CYP39A1: variants seen among roughly 807,000 people sequenced by gnomAD.
CYP39A1 encodes the protein cytochrome P450 family 39 subfamily A member 1.
A neutral mutation model predicts 58.1 loss-of-function variants in CYP39A1; 49 were observed. The ratio of observed to expected loss-of-function variants is 0.84; its 90% CI spans 0.67 to 1.07. The LOEUF is 1.07. Ranked by LOEUF, CYP39A1 falls within the 50% of genes least tolerant of loss-of-function variation. CYP39A1 has a pLI of 0.00. For missense variants in CYP39A1, 531 were observed against 539.4 expected, an observed-to-expected ratio of 0.98 and a Z score of 0.16; for synonymous variants, 209 against 187.6, an observed-to-expected ratio of 1.11 and a Z score of -0.93.
chr6:46,603,967 A>C lies in CYP39A1; in HGVS notation c.932-7847T>G, dbSNP rs189207471. Among the ~76,000 whole-genome samples the C allele has an allele frequency of 8.4e-4, 128 of 152,266 alleles. 1 individual carries two copies. The highest frequency in any genetic ancestry group is 3.0e-3 in the African/African-American group (123 of 41,552). The stretch of plus-strand genomic sequence containing the variant: ...CGCTGTACATATCATTTATATAACC[A>C]AGTCAAGTATACAATGCCTAGCATA... On this transcript the variant is annotated intron_variant, in intron 7 of 11. Transcript: ENST00000275016.
At chr6:46,565,464 A>T (rs575560731) in intron 10 of CYP39A1, among the ~76,000 whole-genome samples, 1 of 151,824 alleles carries the variant, frequency 6.6e-6, no homozygotes, top group Non-Finnish European at 1.5e-5. Context: ...GGTAAGCTGA[A>T]TGAGAAGGAA....
intron 5 of CYP39A1, among the ~76,000 whole-genome samples, chr6:46,632,706 T>G (rs1582443745): frequency 7.0e-6 from 1 of 142,650 alleles, no homozygotes; most frequent in African/African-American, 3.1e-5. Context: ...TGAAACACAA[T>G]AAAGTTAGGG....
chr6:46,641,683 G>C (rs931118368), intron 2 of CYP39A1, among the ~76,000 whole-genome samples: 1 of 152,160 alleles, frequency 6.6e-6, no homozygotes, highest in Admixed American at 6.5e-5. Flanking sequence ...GAGGATTTGT[G>C]AAAGGGCAAG....
At chr6:46,590,746 TTTG>T (rs752481789) in intron 8 of CYP39A1, among the ~76,000 whole-genome samples, 114 of 152,258 alleles carry the variant, frequency 7.5e-4, no homozygotes, top group Non-Finnish European at 1.3e-3. Context: ...TAGGAGATAT[TTTG>T]TTGTTGTTAA....
intron 6 of CYP39A1, among the ~76,000 whole-genome samples, chr6:46,628,188 G>A (rs1330314509): frequency 6.6e-6 from 1 of 152,208 alleles, no homozygotes; most frequent in Non-Finnish European, 1.5e-5. Context: ...ATGCCAGAGA[G>A]TCTTCTACCG....
chr6:46,638,516 A>ATATAAAATAT (rs1776136059), intron 3 of CYP39A1, among the ~76,000 whole-genome samples: 2 of 152,350 alleles, frequency 1.3e-5, no homozygotes, highest in South Asian at 4.1e-4. Context: ...AAGATAAAGA[A>ATATAAAATAT]TATAAAATAT....
rs576187170 is a variant in CYP39A1 at position 46,633,961 on chromosome 6, G to A, written c.732+2428C>T. On this transcript the variant is annotated intron_variant, in intron 5 of 11. Transcript: ENST00000275016. ...GAGACGCAATACATAAAAAAATAAA[G>A]TTAAACTGCTCATGGATGTTCAAGT... is the stretch of plus-strand genomic sequence containing the variant. Among the ~76,000 whole-genome samples the A allele has an allele frequency of 7.2e-5, 11 of 152,278 alleles. No individual in the cohort carries two copies. The South Asian group carries it at 2.1e-3, about 29-fold the overall frequency.
At chr6:46,607,087 C>A (rs1182132279) in intron 7 of CYP39A1, among the ~76,000 whole-genome samples, 1 of 152,126 alleles carries the variant, frequency 6.6e-6, no homozygotes, top group Non-Finnish European at 1.5e-5. Flanking sequence ...CTATGTCTGT[C>A]TATACTGAAA....
chr6:46,594,997 T>A (rs1025942631), intron 8 of CYP39A1, among the ~76,000 whole-genome samples: 6 of 151,754 alleles, frequency 4.0e-5, no homozygotes, highest in African/African-American at 1.5e-4. Flanking sequence ...TTTTAAAAAT[T>A]GGCAAGGAAT....
intron 11 of CYP39A1, among the ~76,000 whole-genome samples, chr6:46,550,923 C>T (rs1228809209): frequency 3.3e-5 from 5 of 152,098 alleles, no homozygotes; most frequent in Admixed American, 1.3e-4. Context: ...CTCACTCCAT[C>T]GCCCCCATAA....
At chr6:46,552,002 G>C (rs545501884) in intron 11 of CYP39A1, among the ~76,000 whole-genome samples, 1 of 151,854 alleles carries the variant, frequency 6.6e-6, no homozygotes, top group Admixed American at 6.6e-5. Context: ...TGTTCTCAGT[G>C]GTGTCAAAAC....
At chr6:46,644,841 G>T (rs992817439) in intron 1 of CYP39A1, among the ~76,000 whole-genome samples, 4 of 152,290 alleles carry the variant, frequency 2.6e-5, no homozygotes, top group Middle Eastern at 6.8e-3. Context: ...CGTTCTGATA[G>T]ATGTGTAGTA....
At position 46,586,126 on chromosome 6, in the gene CYP39A1, C is replaced by T. The variant is rs76885942; in HGVS notation, c.1250+951G>A. 503 of 666,284 alleles carry T rather than the reference C, an allele frequency of 7.5e-4. 2 individuals are homozygous for T. In the African/African-American group the frequency reaches 9.0e-3, roughly 12 times the overall value. The allele number at this position is 666,284 out of a possible 1,614,324, so 41.3% of individuals were successfully genotyped here. On this transcript the variant is annotated intron_variant, in intron 10 of 11. Coordinates refer to ENST00000275016, the MANE Select transcript of CYP39A1 (RefSeq NM_016593.5). ...CTGATTAATACTATTTTAGGGGAAGCGTAAATTACCAAAATCATACTAATA... is the reference window on the plus strand; with the variant it reads ...CTGATTAATACTATTTTAGGGGAAGTGTAAATTACCAAAATCATACTAATA...
At chr6:46,614,023 C>T (rs1774382562) in intron 7 of CYP39A1, among the ~76,000 whole-genome samples, 2 of 149,264 alleles carry the variant, frequency 1.3e-5, no homozygotes, top group Non-Finnish European at 3.0e-5. Flanking sequence ...GAAAGGTAAA[C>T]CATAATGGTA....
intron 10 of CYP39A1, among the ~76,000 whole-genome samples, chr6:46,584,032 C>G (rs1028626887): frequency 3.9e-5 from 6 of 152,112 alleles, no homozygotes; most frequent in Non-Finnish European, 8.8e-5. Flanking sequence ...GGGATTACAA[C>G]TAAGGATTTG....
At chr6:46,604,390 G>T (rs897885910) in intron 7 of CYP39A1, among the ~76,000 whole-genome samples, 6 of 152,014 alleles carry the variant, frequency 3.9e-5, no homozygotes, top group African/African-American at 1.4e-4. Flanking sequence ...AACATCTCTT[G>T]GCTGCCAAAC....
At chr6:46,555,656 C>T (rs527923666) in intron 10 of CYP39A1, among the ~76,000 whole-genome samples, 4 of 152,304 alleles carry the variant, frequency 2.6e-5, no homozygotes, top group African/African-American at 9.6e-5. Flanking sequence ...TTATAGACTA[C>T]AGCCTTCACA....
chr6:46,581,405 G>GAA (rs35718392), intron 10 of CYP39A1, among the ~76,000 whole-genome samples: 8 of 117,158 alleles, frequency 6.8e-5, no homozygotes, highest in Admixed American at 8.4e-5. Context: ...GCCTGTCTCA[G>GAA]AAAAAAAAAA....
At chr6:46,618,230 G>A (rs531618818) in intron 7 of CYP39A1, among the ~76,000 whole-genome samples, 5 of 152,142 alleles carry the variant, frequency 3.3e-5, no homozygotes, top group Admixed American at 1.3e-4. Context: ...ACGAGATGAG[G>A]ATTATTATTA....
Sources: gnomAD v4.1 joint callset for allele counts (sites outside exome capture counted in the v4.1 genomes callset) on GRCh38, gnomAD v4.1.1 for gene constraint, MANE v1.5 for transcripts, NCBI Gene and HGNC (gene_info 2026-07-23, HGNC 2026-07-21) for gene names.